EFR3B: variants seen among roughly 807,000 people sequenced by gnomAD.
EFR3B encodes the protein EFR3 homolog B.
In EFR3B, 64 loss-of-function variants were observed where a neutral mutation model predicts 104.7. The observed-to-expected ratio is 0.61, with a 90% CI of 0.50 to 0.75. The LOEUF (loss-of-function observed/expected upper bound fraction) is 0.75. Among genes scored for constraint, EFR3B ranks in the 30% least tolerant of loss-of-function variants. The pLI, the probability that EFR3B is intolerant of heterozygous loss-of-function variation, is 0.00. For missense variants in EFR3B, 750 were observed against 1,078.5 expected (o/e 0.70, Z 4.27); for synonymous variants, 385 against 417.9 (o/e 0.92, Z 0.96).
Position 25,155,062 on chromosome 2 carries a change from T to C in EFR3B, c.*722T>C, listed in dbSNP as rs1417303272. The stretch of plus-strand genomic sequence containing the variant: ...CCACCTCCTTTGTTCATAAGGAGCT[T>C]GTGTTGGCCTCCCACAGTCCTGTCT... On this transcript the variant is annotated 3_prime_UTR_variant, in exon 23 of 23. Transcript: ENST00000403714. The C allele has an allele frequency of 6.6e-6, 1 of 152,252 alleles. No homozygotes were observed. The highest frequency in any genetic ancestry group is 2.4e-5 in the African/African-American group (1 of 41,444). 9.4% of individuals were successfully genotyped at this position (152,252 alleles called of 1,614,324 possible). A position where few individuals can be genotyped will look rare whatever the true frequency, so the allele number is the denominator to read the frequency against.
chr2:25,087,222 T>C (rs1668977315), intron 1 of EFR3B, among the ~76,000 whole-genome samples: 1 of 151,774 alleles, frequency 6.6e-6, no homozygotes, highest in African/African-American at 2.4e-5. Context: ...TTAAATTACC[T>C]CCCCCTAGGT....
chr2:25,158,469 C>T lies in EFR3B; in HGVS notation c.*4129C>T, dbSNP rs374878982. The T allele has an allele frequency of 6.6e-6, 1 of 152,276 alleles. No homozygotes were observed. Among genetic ancestry groups the T allele is most frequent in the East Asian group, 1.9e-4 (1 of 5,202 alleles). 9.4% of individuals were successfully genotyped at this position (152,276 alleles called of 1,614,324 possible). On this transcript the variant is annotated 3_prime_UTR_variant, in exon 23 of 23. Transcript: ENST00000403714. ...ACATGTTGCCTCTTCATCCCATTAA[C>T]CCTAGAAATCTTCTGGTTAGAGTGG...
At chr2:25,128,940 G>A (rs536054271) in intron 6 of EFR3B, among the ~76,000 whole-genome samples, 4 of 122,602 alleles carry the variant, frequency 3.3e-5, no homozygotes, top group South Asian at 2.8e-4. Context: ...CAGCCTGGGC[G>A]ACGGAGCGAG....
chr2:25,142,770 TAATAATA>T (rs1432755812), intron 17 of EFR3B, among the ~76,000 whole-genome samples: 7 of 97,218 alleles, frequency 7.2e-5, no homozygotes, highest in South Asian at 6.0e-4. Context: ...GAAATAATAA[TAATAATA>T]AATAAATAAA....
intron 5 of EFR3B, among the ~76,000 whole-genome samples, chr2:25,126,083 G>C (rs981381463): frequency 7.2e-5 from 11 of 152,354 alleles, no homozygotes; most frequent in Admixed American, 6.5e-4. Context: ...TTTAAAATGA[G>C]ATCCTCAATA....
At chr2:25,123,595 C>T (rs567680727) in intron 5 of EFR3B, among the ~76,000 whole-genome samples, 1 of 152,326 alleles carries the variant, frequency 6.6e-6, no homozygotes, top group East Asian at 1.9e-4. Flanking sequence ...CCAGAATTAG[C>T]TTCCTGAGTC....
intron 1 of EFR3B, among the ~76,000 whole-genome samples, chr2:25,071,933 G>A (rs1262358144): frequency 6.6e-6 from 1 of 152,178 alleles, no homozygotes; most frequent in Non-Finnish European, 1.5e-5. Context: ...GTTTTCATCA[G>A]CTTTTCAATG....
chr2:25,095,360 T>TCAA (rs1202744458), intron 3 of EFR3B, among the ~76,000 whole-genome samples: 3 of 152,004 alleles, frequency 2.0e-5, no homozygotes, highest in Admixed American at 6.6e-5. Context: ...AGTTAAAAAA[T>TCAA]CAACAACAAC....
Position 25,130,757 on chromosome 2 carries a change from T to C in EFR3B, c.849+127T>C. 1 of 812,482 alleles carries C rather than the reference T, an allele frequency of 1.2e-6. No homozygotes were observed. The highest frequency in any genetic ancestry group is 2.0e-6 in the Non-Finnish European group (1 of 488,398). 50.3% of individuals were successfully genotyped at this position (812,482 alleles called of 1,614,324 possible). On this transcript the variant is annotated intron_variant, in intron 8 of 22. Transcript: ENST00000403714. This position sits in a 1 kb window ranked among gnomAD's most constrained non-coding sequence, Gnocchi z 4.6. Reference sequence around the variant, plus strand: ...CGAAGCCCCCAGTTGCCGAAACCAGTGCTGCTTAAGCTAGCTGTGGAGAAG... The same window carrying C: ...CGAAGCCCCCAGTTGCCGAAACCAGCGCTGCTTAAGCTAGCTGTGGAGAAG...
chr2:25,140,169 TG>T (rs1045151826), intron 16 of EFR3B, among the ~76,000 whole-genome samples: 3 of 151,910 alleles, frequency 2.0e-5, no homozygotes. Context: ...AAAAATTAGC[TG>T]GGCATGGTGG....
At chr2:25,095,396 C>T (rs1459672352) in intron 3 of EFR3B, among the ~76,000 whole-genome samples, 1 of 152,006 alleles carries the variant, frequency 6.6e-6, no homozygotes, top group Non-Finnish European at 1.5e-5. Context: ...CTGGAAAATA[C>T]AGTAAAACGA....
At chr2:25,066,028 A>C (rs1668327980) in intron 1 of EFR3B, among the ~76,000 whole-genome samples, 1 of 152,148 alleles carries the variant, frequency 6.6e-6, no homozygotes, top group Admixed American at 6.5e-5. Context: ...GGGCAGGTGG[A>C]TGCTAGTCAG....
intron 1 of EFR3B, among the ~76,000 whole-genome samples, chr2:25,051,036 G>T (rs1465017935): frequency 6.6e-6 from 1 of 152,124 alleles, no homozygotes; most frequent in African/African-American, 2.4e-5. Flanking sequence ...ATTGCCACTG[G>T]CCCTGCTCTC....
At chr2:25,133,986 A>T (rs1157268193) in intron 12 of EFR3B, among the ~76,000 whole-genome samples, 1 of 152,152 alleles carries the variant, frequency 6.6e-6, no homozygotes, top group Non-Finnish European at 1.5e-5. Flanking sequence ...TTAAGCTGTT[A>T]GCCTGAGTGA....
intron 3 of EFR3B, among the ~76,000 whole-genome samples, chr2:25,099,173 T>A (rs1669364628): frequency 6.6e-6 from 1 of 152,154 alleles, no homozygotes; most frequent in Admixed American, 6.5e-5. Flanking sequence ...TTGGAAGGGC[T>A]CCAGCCCAGT....
intron 1 of EFR3B, among the ~76,000 whole-genome samples, chr2:25,090,568 G>T (rs1003865126): frequency 6.6e-6 from 1 of 152,160 alleles, no homozygotes; most frequent in African/African-American, 2.4e-5. Flanking sequence ...CTACAGATTG[G>T]TGCAAACCTC....
At chr2:25,092,425 T>TAC (rs754189638) in intron 2 of EFR3B, among the ~76,000 whole-genome samples, 17,681 of 78,750 alleles carry the variant, frequency 0.22, 2,467 homozygotes, top group African/African-American at 0.43. Flanking sequence ...CACACACACT[T>TAC]ACACACACAC....
chr2:25,060,883 T>A (rs1421121283), intron 1 of EFR3B, among the ~76,000 whole-genome samples: 1 of 151,372 alleles, frequency 6.6e-6, no homozygotes, highest in Non-Finnish European at 1.5e-5. Context: ...ATCGCCCCAC[T>A]GCACTCCAGC....
chr2:25,047,241 T>G (rs904385490), intron 1 of EFR3B, among the ~76,000 whole-genome samples: 14 of 152,326 alleles, frequency 9.2e-5, no homozygotes, highest in African/African-American at 2.9e-4. Flanking sequence ...TGTGTTCACC[T>G]CCTTCAGCCC....
Sources: gnomAD v4.1 joint callset for allele counts (sites outside exome capture counted in the v4.1 genomes callset) on GRCh38, gnomAD v4.1.1 for gene constraint, Gnocchi (gnomAD v3.1) non-coding constraint, MANE v1.5 for transcripts, NCBI Gene and HGNC (gene_info 2026-07-23, HGNC 2026-07-21) for gene names.